Variants in ACOXL observed in about 807,000 individuals in gnomAD.
ACOXL encodes acyl-coenzyme A oxidase-like protein.
ACOXL carries 70 observed loss-of-function variants against 71.9 expected under a neutral mutation model. The observed-to-expected ratio is 0.97, with a 90% CI of 0.80 to 1.19. The LOEUF is 1.19. ACOXL is among the 50% of genes most tolerant of loss of function. ACOXL has a pLI of 0.00. For missense variants in ACOXL, 703 were observed against 736.3 expected (o/e 0.95, Z 0.52); for synonymous variants, 253 against 281.6 (o/e 0.90, Z 1.02).
At chr2:110,877,506 T>A (rs1696075158) in intron 10 of ACOXL, among the ~76,000 whole-genome samples, 1 of 152,082 alleles carries the variant, frequency 6.6e-6, no homozygotes, top group Non-Finnish European at 1.5e-5. Context: ...TTTGTTCGGT[T>A]GTTTTTTCAA....
At chr2:110,828,594 C>T (rs1213314975) in intron 9 of ACOXL, among the ~76,000 whole-genome samples, 2 of 152,184 alleles carry the variant, frequency 1.3e-5, no homozygotes, top group African/African-American at 2.4e-5. Context: ...GTTGTACTAT[C>T]CTTGTGCTGA....
At chr2:110,951,864 A>G (rs556049943) in intron 12 of ACOXL, among the ~76,000 whole-genome samples, 1 of 152,340 alleles carries the variant, frequency 6.6e-6, no homozygotes, top group South Asian at 2.1e-4. Flanking sequence ...GTATTTAAAA[A>G]GCTGCTGATT....
chr2:110,763,854 A>T (rs1042201727), intron 1 of ACOXL, among the ~76,000 whole-genome samples: 10 of 152,188 alleles, frequency 6.6e-5, no homozygotes, highest in Admixed American at 5.9e-4. Flanking sequence ...CAATAAGAAA[A>T]CAAACAACCC....
At chr2:110,802,430 A>C (rs187825952) in intron 8 of ACOXL, among the ~76,000 whole-genome samples, 12 of 152,340 alleles carry the variant, frequency 7.9e-5, no homozygotes, top group Admixed American at 7.8e-4. Flanking sequence ...AGTCATGTTA[A>C]ATCTGTGACA....
intron 13 of ACOXL, among the ~76,000 whole-genome samples, chr2:110,989,220 G>T (rs893028366): frequency 6.6e-6 from 1 of 152,052 alleles, no homozygotes; most frequent in Non-Finnish European, 1.5e-5. Flanking sequence ...ACAGTCAGTT[G>T]TTCCGGCACC....
chr2:110,917,072 C>T (rs2059888500), intron 11 of ACOXL, among the ~76,000 whole-genome samples: 1 of 152,180 alleles, frequency 6.6e-6, no homozygotes, highest in Admixed American at 6.5e-5. Flanking sequence ...CCAGCATCAT[C>T]CTGATACCAA....
chr2:110,844,222 C>T (rs1035891991), intron 10 of ACOXL, among the ~76,000 whole-genome samples: 18 of 152,180 alleles, frequency 1.2e-4, no homozygotes, highest in African/African-American at 4.3e-4. Context: ...GAGCATGTGA[C>T]CTGCTCACGG....
chr2:111,089,463 G>A (rs1197335089), intron 16 of ACOXL, among the ~76,000 whole-genome samples: 1 of 152,196 alleles, frequency 6.6e-6, no homozygotes, highest in Non-Finnish European at 1.5e-5. Flanking sequence ...GAATTCAGCT[G>A]ATGTAGACCT....
At chr2:110,837,398 G>A (rs565760625) in intron 9 of ACOXL, among the ~76,000 whole-genome samples, 22 of 152,252 alleles carry the variant, frequency 1.4e-4, no homozygotes, top group African/African-American at 5.1e-4. Context: ...TCTCTTTGCT[G>A]CCTTCTAAGA....
chr2:111,108,371 C>CTTTT lies in ACOXL; in HGVS notation c.1543-9225_1543-9222dup, dbSNP rs1225889982. Among the ~76,000 whole-genome samples, 48 of 71,056 alleles carry CTTTT rather than the reference C, an allele frequency of 6.8e-4. 9 individuals are homozygous for CTTTT. The highest frequency in any genetic ancestry group is 5.3e-3 in the East Asian group (11 of 2,074). The allele number at this position is 71,056 out of a possible 152,430, so 46.6% of individuals were successfully genotyped here. A position where few individuals can be genotyped will look rare whatever the true frequency, so the allele number is the denominator to read the frequency against. On this transcript the variant is annotated intron_variant, in intron 17 of 17. Coordinates refer to ENST00000439055, the MANE Select transcript of ACOXL (RefSeq NM_001142807.4). ...TTTATATACATTGAAGTGCATGAAT[C>CTTTT]TTTTTTTTTTTTTTTTTTTTTTTGG...
intron 10 of ACOXL, among the ~76,000 whole-genome samples, chr2:110,863,656 G>A (rs560219606): frequency 2.6e-5 from 4 of 152,106 alleles, no homozygotes; most frequent in Middle Eastern, 3.2e-3. Flanking sequence ...TCTGAGATGG[G>A]TGGGACACAT....
chr2:110,820,011 T>C (rs914577785), intron 9 of ACOXL, among the ~76,000 whole-genome samples: 1 of 152,180 alleles, frequency 6.6e-6, no homozygotes, highest in Non-Finnish European at 1.5e-5. Flanking sequence ...GAGCTTGATA[T>C]CATTGTAAGT....
At position 111,092,891 on chromosome 2, in the gene ACOXL, G is replaced by A; in HGVS notation, c.1467G>A (p.Leu489=). The change falls in exon 17 of 18, where the codon CTG becomes CTA. Residue 489 remains leucine, a synonymous_variant. Coordinates refer to ENST00000439055, the MANE Select transcript of ACOXL (RefSeq NM_001142807.4). ...TTTGTCTGTTGTATGGAACCAAGCT[G>A]GTGTTTCAGGAGCGGGCCTGGTATT... is the stretch of plus-strand genomic sequence containing the variant. ...MKFCLLYGTK[L]VFQERAWYLE... is the part of the protein sequence containing the mutation. 4 of 1,613,946 alleles carry A rather than the reference G, an allele frequency of 2.5e-6. No homozygotes were observed. Among genetic ancestry groups the A allele is most frequent in the Non-Finnish European group, 3.4e-6 (4 of 1,179,966 alleles).
intron 1 of ACOXL, among the ~76,000 whole-genome samples, chr2:110,738,454 A>C (rs539696326): frequency 1.3e-5 from 2 of 152,318 alleles, no homozygotes; most frequent in South Asian, 4.1e-4. Context: ...TTACTGTTCA[A>C]TTGACTGAAA....
chr2:110,841,521 C>T (rs752945000), intron 10 of ACOXL, 116 bp downstream of exon 10: 141 of 750,022 alleles, frequency 1.9e-4, no homozygotes, highest in South Asian at 4.0e-4. Flanking sequence ...CTGTGATGTC[C>T]GTGTCGCAGA....
chr2:110,850,826 G>A (rs969023130), intron 10 of ACOXL, among the ~76,000 whole-genome samples: 4 of 152,168 alleles, frequency 2.6e-5, no homozygotes, highest in African/African-American at 7.2e-5. Flanking sequence ...ATACTTAAAG[G>A]AGAGAAATGA....
At chr2:110,737,090 CTG>C (rs976133235) in intron 1 of ACOXL, among the ~76,000 whole-genome samples, 3 of 152,292 alleles carry the variant, frequency 2.0e-5, no homozygotes, top group South Asian at 2.1e-4. Context: ...TAGGATCTCA[CTG>C]TGTGTTTTAT....
chr2:110,827,726 C>T lies in ACOXL; in HGVS notation c.754-13645C>T, dbSNP rs555527655. Among the ~76,000 whole-genome samples the T allele has an allele frequency of 1.9e-3, 291 of 151,786 alleles. 1 individual carries two copies. Among genetic ancestry groups the T allele is most frequent in the Non-Finnish European group, 3.1e-3 (208 of 67,938 alleles). ...GGCTTAGCTGGAGACATCAGCTGAC[C>T]CTGGAAAGGAAGGTGGTTGGGCATG... On this transcript the variant is annotated intron_variant, in intron 9 of 17. Coordinates refer to ENST00000439055, the MANE Select transcript of ACOXL (RefSeq NM_001142807.4).
intron 17 of ACOXL, among the ~76,000 whole-genome samples, chr2:111,105,106 T>C (rs1476180298): frequency 6.6e-6 from 1 of 152,160 alleles, no homozygotes; most frequent in East Asian, 1.9e-4. Context: ...ATATTTCCCA[T>C]GTTAAATTGC....
Sources: gnomAD v4.1 joint callset for allele counts (sites outside exome capture counted in the v4.1 genomes callset) on GRCh38, gnomAD v4.1.1 for gene constraint, MANE v1.5 for transcripts, NCBI Gene and HGNC (gene_info 2026-07-23, HGNC 2026-07-21) for gene names.